Variants in PTPRC observed in about 807,000 individuals in gnomAD.
PTPRC encodes receptor-type tyrosine-protein phosphatase C.
PTPRC carries 44 observed loss-of-function variants against 155.9 expected under a neutral mutation model. The observed-to-expected ratio is 0.28, with a 90% CI of 0.22 to 0.36. The LOEUF (loss-of-function observed/expected upper bound fraction) is 0.36, where lower values mean the gene tolerates loss of function less well. Ranked by LOEUF, PTPRC falls within the 10% of genes least tolerant of loss-of-function variation. PTPRC has a pLI of 1.00. For missense variants in PTPRC, 1,401 were observed against 1,564.6 expected (o/e 0.90, Z 1.76); for synonymous variants, 525 against 533.1 (o/e 0.98, Z 0.21).
chr1:198,657,130 G>A (rs1663635463), intron 2 of PTPRC, among the ~76,000 whole-genome samples: 1 of 151,360 alleles, frequency 6.6e-6, no homozygotes, highest in Non-Finnish European at 1.5e-5. Flanking sequence ...TTCTAGTAAA[G>A]CAAAGTTCAT....
intron 4 of PTPRC, among the ~76,000 whole-genome samples, 180 bp from the exon 5 acceptor site, chr1:198,699,384 C>A (rs1666353895): frequency 6.6e-6 from 1 of 152,220 alleles, no homozygotes; most frequent in Admixed American, 6.5e-5. Flanking sequence ...AAATAGAGGA[C>A]TCAGGTGCCT....
At chr1:198,732,225 C>A in intron 18 of PTPRC, 75 bp from the exon 19 acceptor site, 2 of 1,167,298 alleles carry the variant, frequency 1.7e-6, no homozygotes, top group South Asian at 1.2e-5. Context: ...CTCATTTACT[C>A]AAAACGGTCA....
intron 9 of PTPRC, 52 bp downstream of exon 9, chr1:198,707,004 G>A (rs891704576): frequency 7.0e-7 from 1 of 1,430,966 alleles, no homozygotes; most frequent in East Asian, 2.4e-5. Context: ...GTACACTTTT[G>A]TGTGTGGTGT....
At chr1:198,663,894 A>T (rs1263859234) in intron 2 of PTPRC, among the ~76,000 whole-genome samples, 2 of 152,166 alleles carry the variant, frequency 1.3e-5, no homozygotes, top group African/African-American at 2.4e-5. Context: ...AATGTATGAC[A>T]TCATGTTACC....
chr1:198,733,186 A>G (rs945152457), intron 20 of PTPRC, among the ~76,000 whole-genome samples: 3 of 151,782 alleles, frequency 2.0e-5, no homozygotes, highest in African/African-American at 7.2e-5. Context: ...ACAGTATAAA[A>G]ATATATACAG....
At chr1:198,701,481 T>C (rs148872532) in intron 5 of PTPRC, among the ~76,000 whole-genome samples, 1 of 152,246 alleles carries the variant, frequency 6.6e-6, no homozygotes, top group East Asian at 1.9e-4. Context: ...CATATTTCTT[T>C]TGCTTTTTCC....
rs774382417 is a variant in PTPRC, at chr1:198,750,587, A to C, written c.3168A>C (p.Lys1056Asn). Reference sequence around the variant, plus strand: ...AGATGATCTTCCAAAGAAAAGTCAAAGTTATTGTTATGCTGACAGAACTGA... The same window carrying C: ...AGATGATCTTCCAAAGAAAAGTCAACGTTATTGTTATGCTGACAGAACTGA... ...FWQMIFQRKV[K>N]VIVMLTELKH... Residue 1056 changes from lysine to asparagine, a missense_variant, in exon 29 of 33, where the codon AAA (lysine) becomes AAC (asparagine). Physicochemically the swap from Lys to Asn is moderately conservative, Grantham distance 94. Coordinates refer to ENST00000442510, the MANE Select transcript of PTPRC (RefSeq NM_002838.5). 19 of 1,612,758 alleles carry C rather than the reference A, an allele frequency of 1.2e-5. No individual in the cohort carries two copies. Among genetic ancestry groups the C allele is most frequent in the Non-Finnish European group, 1.6e-5 (19 of 1,179,146 alleles).
intron 15 of PTPRC, among the ~76,000 whole-genome samples, chr1:198,726,374 C>G (rs758303740): frequency 9.8e-4 from 149 of 152,154 alleles, no homozygotes; most frequent in Non-Finnish European, 1.6e-3. Flanking sequence ...GAACTTCTTC[C>G]CTAAAAATGT....
At chr1:198,645,492 T>C (rs890463170) in intron 2 of PTPRC, among the ~76,000 whole-genome samples, 1 of 151,824 alleles carries the variant, frequency 6.6e-6, no homozygotes, top group African/African-American at 2.4e-5. Flanking sequence ...AATCTTGTGA[T>C]TTTTAGCTAA....
chr1:198,702,531 G>T lies in PTPRC; in HGVS notation c.583+1G>T, dbSNP rs137869655. On this transcript the variant is annotated splice_donor_variant, in intron 6 of 32. Coordinates refer to ENST00000442510, the MANE Select transcript of PTPRC (RefSeq NM_002838.5). LOFTEE classifies it high-confidence loss of function. ...ACCACCATCACAGCGAACACCTCAG[G>T]TCTGACTATGCTGCTCTAGTAGTGT... 5 of 1,614,110 alleles carry T rather than the reference G, an allele frequency of 3.1e-6. No individual in the cohort carries two copies. The East Asian group carries it at 1.1e-4, about 36-fold the overall frequency.
At chr1:198,679,397 T>G (rs1453464123) in intron 2 of PTPRC, among the ~76,000 whole-genome samples, 6 of 1,340 alleles carry the variant, frequency 4.5e-3, no homozygotes, top group East Asian at 0.019. Flanking sequence ...CGCCCAGCTA[T>G]TTTTTTTTTT....
intron 3 of PTPRC, 79 bp from the exon 4 acceptor site, chr1:198,696,633 G>T: frequency 8.4e-7 from 1 of 1,195,554 alleles, no homozygotes; most frequent in Admixed American, 1.7e-5. Flanking sequence ...TGGGGAGTTA[G>T]TATACTGGGA....
In PTPRC at chr1:198,713,398, T is replaced by TGAACTCATCATTTA. The variant is rs146074237; in HGVS notation, c.1291+338_1291+339insTAGAACTCATCATT. Among the ~76,000 whole-genome samples the TGAACTCATCATTTA allele has an allele frequency of 0.096, 14,569 of 152,222 alleles. 832 individuals are homozygous for TGAACTCATCATTTA. Among genetic ancestry groups the TGAACTCATCATTTA allele is most frequent in the Non-Finnish European group, 0.13 (8,541 of 67,982 alleles). On this transcript the variant is annotated intron_variant, in intron 12 of 32. Transcript: ENST00000442510. ...ATTATGTAAGTGATTTGACTCACTT[T>TGAACTCATCATTTA]GAACTCATCATTCAGCCTCCTAAAC... is the stretch of plus-strand genomic sequence containing the variant.
chr1:198,754,520 C>CT, intron 32 of PTPRC, 116 bp downstream of exon 32: 6 of 1,197,750 alleles, frequency 5.0e-6, no homozygotes, highest in Non-Finnish European at 7.1e-6. Context: ...TTCCCCTTTC[C>CT]TTTTCTCTTC....
At chr1:198,705,064 C>G (rs1014273911) in intron 8 of PTPRC, among the ~76,000 whole-genome samples, 3 of 152,002 alleles carry the variant, frequency 2.0e-5, no homozygotes, top group African/African-American at 7.2e-5. Flanking sequence ...CTCTCTCTTT[C>G]TGTCTTGCTT....
intron 26 of PTPRC, among the ~76,000 whole-genome samples, chr1:198,746,686 A>G (rs1191519094): frequency 6.6e-6 from 1 of 151,816 alleles, no homozygotes; most frequent in African/African-American, 2.4e-5. Context: ...TGGCAAGTGA[A>G]ACAGGTAGAG....
intron 10 of PTPRC, 132 bp from the exon 11 acceptor site, chr1:198,709,555 A>AC: frequency 1.3e-6 from 1 of 793,858 alleles, no homozygotes; most frequent in Non-Finnish European, 1.7e-6. Context: ...GTTTTTTATT[A>AC]TTTTGGTAAT....
intron 2 of PTPRC, among the ~76,000 whole-genome samples, chr1:198,673,608 T>C (rs576731278): frequency 1.3e-5 from 2 of 152,290 alleles, no homozygotes; most frequent in African/African-American, 4.8e-5. Context: ...TTCAAAGATA[T>C]TGTTTTGGTT....
rs746414371 is a variant in PTPRC, at chr1:198,741,950, C to A, written c.2485C>A (p.His829Asn). Reference sequence around the variant, plus strand: ...AGACCACGGGGTGCCTGAGGATCCTCACTTGCTCCTCAAACTGAGAAGGAG... The same window carrying A: ...AGACCACGGGGTGCCTGAGGATCCTAACTTGCTCCTCAAACTGAGAAGGAG... ...WPDHGVPEDP[H>N]LLLKLRRRVN... Residue 829 changes from histidine (H) to asparagine (N), a missense_variant, in exon 24 of 33, where the codon CAC becomes AAC. Physicochemically the swap from His to Asn is moderately conservative, Grantham distance 68. Coordinates refer to ENST00000442510, the MANE Select transcript of PTPRC (RefSeq NM_002838.5). The A allele has an allele frequency of 1.9e-6, 3 of 1,611,778 alleles. No individual in the cohort carries two copies. The Admixed American group carries it at 5.0e-5, about 27-fold the overall frequency.
Sources: allele counts gnomAD v4.1 joint callset (sites outside exome capture counted in the v4.1 genomes callset), GRCh38; gene constraint gnomAD v4.1.1; transcripts MANE v1.5; gene names NCBI Gene and HGNC (gene_info 2026-07-23, HGNC 2026-07-21).